Variants in ZNF354C observed in about 807,000 individuals in gnomAD.
The protein encoded by ZNF354C is zinc finger protein 354C, also known as KRAB-zinc finger protein synten.
A neutral mutation model predicts 12.4 loss-of-function variants in ZNF354C; 7 were observed. That is an observed-to-expected ratio of 0.56 (90% confidence interval 0.32 to 1.06). The LOEUF (loss-of-function observed/expected upper bound fraction) is 1.06, where lower values mean the gene tolerates loss of function less well. Among genes scored for constraint, ZNF354C ranks in the 50% least tolerant of loss-of-function variants. The pLI is 0.04. For missense variants in ZNF354C, 609 were observed against 658.0 expected, an observed-to-expected ratio of 0.93 and a Z score of 0.81; for synonymous variants, 202 against 224.5, an observed-to-expected ratio of 0.90 and a Z score of 0.90.
At chr5:179,063,236 A>G (rs1761917098) in intron 2 of ZNF354C, among the ~76,000 whole-genome samples, 1 of 152,196 alleles carries the variant, frequency 6.6e-6, no homozygotes, top group South Asian at 2.1e-4. Context: ...TTAATAATAT[A>G]CATACATGAC....
In ZNF354C at chr5:179,079,127, T is replaced by C. The variant is rs201055527; in HGVS notation, c.695T>C (p.Ile232Thr). The part of the protein sequence containing the change: ...GKSFKQNLHL[I>T]EHQRIHTGEK... Reference sequence around the variant, plus strand: ...AGCTTCAAGCAGAATCTGCATCTTATTGAACATCAGAGAATTCATACAGGT... The same window carrying C: ...AGCTTCAAGCAGAATCTGCATCTTACTGAACATCAGAGAATTCATACAGGT... The change falls in exon 5 of 5, where the codon ATT becomes ACT. Residue 232 changes from isoleucine (I) to threonine (T), a missense_variant. Ile to Thr is a moderately conservative substitution (Grantham distance 89). Coordinates refer to ENST00000315475, the MANE Select transcript of ZNF354C (RefSeq NM_014594.3). The surrounding 1 kb of genome is among the most constrained non-coding windows in gnomAD (Gnocchi z 4.2). 1.7e-5 allele frequency: 27 copies of C among 1,613,892 alleles called. No homozygotes were observed. In the East Asian group the frequency reaches 3.3e-4, roughly 20 times the overall value.
intron 2 of ZNF354C, among the ~76,000 whole-genome samples, chr5:179,068,123 C>T (rs1761983381): frequency 6.6e-6 from 1 of 151,540 alleles, no homozygotes; most frequent in Non-Finnish European, 1.5e-5. Context: ...ATTTATTGCA[C>T]TACTGCACTC....
At chr5:179,066,919 T>C (rs1761964362) in intron 2 of ZNF354C, among the ~76,000 whole-genome samples, 1 of 152,234 alleles carries the variant, frequency 6.6e-6, no homozygotes, top group Admixed American at 6.5e-5. Flanking sequence ...CAGCCATTAT[T>C]ACTTTGGATA....
Position 179,079,667 on chromosome 5 carries a change from A to G in ZNF354C, c.1235A>G (p.Tyr412Cys), listed in dbSNP as rs894713135. Residue 412 changes from tyrosine to cysteine, a missense_variant, in exon 5 of 5, where the codon TAT (tyrosine) becomes TGT (cysteine). Tyr to Cys is a radical substitution (Grantham distance 194). Transcript: ENST00000315475. This position sits in a 1 kb window ranked among gnomAD's most constrained non-coding sequence, Gnocchi z 4.2. ...CGAATTCACACTGGACAAAAACCTT[A>G]TCAGTGCAACGAATGTGAGAAAGCC... ...HQRIHTGQKP[Y>C]QCNECEKAFN... The G allele has an allele frequency of 1.2e-6, 2 of 1,614,214 alleles. No individual in the cohort carries two copies. Among genetic ancestry groups the G allele is most frequent in the Non-Finnish European group, 1.7e-6 (2 of 1,180,034 alleles).
In ZNF354C at chr5:179,069,887, A is replaced by C. The variant is rs187158891; in HGVS notation, c.28-6558A>C. On this transcript the variant is annotated intron_variant, in intron 2 of 4. Transcript: ENST00000315475. ...TCTCAAAAACAAACAAACAAAAAAAACCAGATATTTACTTTTCTAGCTTTA... is the reference window on the plus strand; with the variant it reads ...TCTCAAAAACAAACAAACAAAAAAACCCAGATATTTACTTTTCTAGCTTTA... Among the ~76,000 whole-genome samples the C allele has an allele frequency of 1.4e-3, 219 of 152,280 alleles. 1 individual carries two copies. The highest frequency in any genetic ancestry group is 0.011 in the Admixed American group (169 of 15,300).
intron 2 of ZNF354C, among the ~76,000 whole-genome samples, chr5:179,070,311 T>G (rs1371958350): frequency 6.6e-6 from 1 of 152,162 alleles, no homozygotes; most frequent in Non-Finnish European, 1.5e-5. Context: ...ACGAAACCTG[T>G]CCCTGGTGCC....
rs1448666653 is a variant in ZNF354C at position 179,076,508 on chromosome 5, T to G, written c.91T>G (p.Ser31Ala). The change falls in exon 3 of 5, where the codon TCT (serine) becomes GCT (alanine). Residue 31 changes from serine (S) to alanine (A), a missense_variant. Physicochemically the swap from Ser to Ala is moderately conservative, Grantham distance 99. Transcript: ENST00000315475. Reference protein sequence around the residue: ...FSQDEWLHLDSAQRALYREVM... With the variant: ...FSQDEWLHLDAAQRALYREVM... Reference sequence around the variant, plus strand: ...CCAGGACGAGTGGTTGCACCTGGACTCTGCCCAGAGGGCCTTGTACCGGGA... The same window carrying G: ...CCAGGACGAGTGGTTGCACCTGGACGCTGCCCAGAGGGCCTTGTACCGGGA... The G allele has an allele frequency of 6.2e-7, 1 of 1,614,218 alleles. No homozygotes were observed. The highest frequency in any genetic ancestry group is 1.7e-5 in the Admixed American group (1 of 60,028).
intron 4 of ZNF354C, among the ~76,000 whole-genome samples, chr5:179,078,246 C>T (rs994393780): frequency 1.3e-5 from 2 of 152,116 alleles, no homozygotes; most frequent in African/African-American, 4.8e-5. Flanking sequence ...GGGGAGAAAA[C>T]GTAATGAAAG....
chr5:179,076,338 A>G (rs145111367), intron 2 of ZNF354C, 107 bp from the exon 3 acceptor site: 1 of 1,529,414 alleles, frequency 6.5e-7, no homozygotes, highest in African/African-American at 1.4e-5. Flanking sequence ...GTTGACGTGA[A>G]TTATTAGAAT....
At chr5:179,074,381 G>A (rs1487973680) in intron 2 of ZNF354C, among the ~76,000 whole-genome samples, 1 of 150,990 alleles carries the variant, frequency 6.6e-6, no homozygotes, top group African/African-American at 2.4e-5. Context: ...GCCCACCTCT[G>A]CCTCCCAAGG....
chr5:179,074,743 G>C (rs1434897182), intron 2 of ZNF354C, among the ~76,000 whole-genome samples: 1 of 152,164 alleles, frequency 6.6e-6, no homozygotes, highest in African/African-American at 2.4e-5. Flanking sequence ...AATACGCTCA[G>C]TGAAGTTTGG....
intron 2 of ZNF354C, among the ~76,000 whole-genome samples, chr5:179,073,074 G>C (rs1160666198): frequency 6.6e-6 from 1 of 152,082 alleles, no homozygotes; most frequent in Non-Finnish European, 1.5e-5. Flanking sequence ...ATCAATATTT[G>C]AATGACCGCT....
intron 2 of ZNF354C, among the ~76,000 whole-genome samples, chr5:179,075,487 A>G (rs944295114): frequency 6.6e-6 from 1 of 152,162 alleles, no homozygotes; most frequent in South Asian, 2.1e-4. Context: ...AAGCAAAGGA[A>G]CACACATACA....
At chr5:179,064,169 TTTG>T (rs1341552378) in intron 2 of ZNF354C, among the ~76,000 whole-genome samples, 7 of 152,168 alleles carry the variant, frequency 4.6e-5, no homozygotes, top group African/African-American at 1.2e-4. Flanking sequence ...AGAGCCAGTT[TTTG>T]TTGTTGTTGT....
rs1762257855 is a variant in ZNF354C at position 179,083,618 on chromosome 5, A to T, written c.*3521A>T. On this transcript the variant is annotated 3_prime_UTR_variant, in exon 5 of 5. Coordinates refer to ENST00000315475, the MANE Select transcript of ZNF354C (RefSeq NM_014594.3). ...CTGTTTGAGAGTTTATCCTCCAGGG[A>T]TGTAATCATTGGCAATAAAGTAACT... is the stretch of plus-strand genomic sequence containing the variant. The T allele has an allele frequency of 6.6e-6, 1 of 152,228 alleles. No homozygotes were observed. Among genetic ancestry groups the T allele is most frequent in the South Asian group, 2.1e-4 (1 of 4,834 alleles). The allele number at this position is 152,228 out of a possible 1,614,324, so 9.4% of individuals were successfully genotyped here.
chr5:179,064,044 T>C (rs570433089), intron 2 of ZNF354C, among the ~76,000 whole-genome samples: 2 of 152,218 alleles, frequency 1.3e-5, no homozygotes, highest in Non-Finnish European at 2.9e-5. Flanking sequence ...AGCTATTACC[T>C]GGGCTATCTG....
intron 2 of ZNF354C, among the ~76,000 whole-genome samples, chr5:179,069,037 T>G (rs1434768601): frequency 2.6e-5 from 4 of 152,226 alleles, no homozygotes; most frequent in Non-Finnish European, 5.9e-5. Flanking sequence ...TTAAAGATCT[T>G]GTTTCCAAAT....
intron 2 of ZNF354C, among the ~76,000 whole-genome samples, chr5:179,069,196 C>T (rs1255940831): frequency 1.3e-5 from 2 of 151,756 alleles, no homozygotes; most frequent in East Asian, 3.9e-4. Context: ...TTGGACAAGC[C>T]TCATTGTACC....
In ZNF354C at chr5:179,081,285, AGTGT is replaced by A. The variant is rs1265921941; in HGVS notation, c.*1189_*1192del. 6.6e-6 allele frequency: 1 copy of A among 152,184 alleles called. No homozygotes were observed. Among genetic ancestry groups the A allele is most frequent in the African/African-American group, 2.4e-5 (1 of 41,444 alleles). 9.4% of individuals were successfully genotyped at this position (152,184 alleles called of 1,614,324 possible). A position where few individuals can be genotyped will look rare whatever the true frequency, so the allele number is the denominator to read the frequency against. ...CCTTAAAGCTAGCTGAGGTCCAGATAGTGTAATTGCTTTTGGAGGCTTCACATAT... is the reference window on the plus strand; with the variant it reads ...CCTTAAAGCTAGCTGAGGTCCAGATAAATTGCTTTTGGAGGCTTCACATAT... On this transcript the variant is annotated 3_prime_UTR_variant, in exon 5 of 5. Transcript: ENST00000315475.
Sources: allele counts gnomAD v4.1 joint callset (sites outside exome capture counted in the v4.1 genomes callset), GRCh38; gene constraint gnomAD v4.1.1; non-coding constraint Gnocchi (gnomAD v3.1); transcripts MANE v1.5; gene names NCBI Gene and HGNC (gene_info 2026-07-23, HGNC 2026-07-21).